The following EPPK1 variants were observed in gnomAD, a reference collection of about 807,000 sequenced individuals.
EPPK1 encodes epiplakin.
For synonymous variants in EPPK1, 1,862 were observed against 1,721.2 expected (o/e 1.08, Z -2.03); for missense variants, 3,823 against 3,673.3 (o/e 1.04, Z -1.05).
Position 143,858,041 on chromosome 8 carries a change from C to T in EPPK1, c.15213G>A (p.Arg5071=), listed in dbSNP as rs782630900. ...GCCCCGTCTCAGGGTCCAGGGTGGC[C>T]CTCTGCAGAAGCTGCAGGTACGTGA... ...ENLTYLQLLQ[R]ATLDPETGLL... is the part of the protein sequence containing the mutation. The change falls in exon 2 of 2, where the codon AGG becomes AGA. Residue 5071 remains arginine (R), a synonymous_variant. Coordinates refer to ENST00000615648, the MANE Select transcript of EPPK1 (RefSeq NM_031308.4). 1 of 1,613,190 alleles carries T rather than the reference C, an allele frequency of 6.2e-7. No individual in the cohort carries two copies. Among genetic ancestry groups the T allele is most frequent in the Non-Finnish European group, 8.5e-7 (1 of 1,179,934 alleles).
At position 143,872,852 on chromosome 8, in the gene EPPK1, A is replaced by G; in HGVS notation, c.402T>C (p.Phe134=). The change falls in exon 2 of 2, where the codon TTT becomes TTC. Residue 134 remains phenylalanine, a synonymous_variant. Transcript: ENST00000615648. Reference sequence around the variant, plus strand: ...CCACAACCTCCTTCCCGATGGCCTGAAAGAGGGCCAGCTTCTCACCGCCGT... The same window carrying G: ...CCACAACCTCCTTCCCGATGGCCTGGAAGAGGGCCAGCTTCTCACCGCCGT... ...DPYGGEKLAL[F]QAIGKEVVDR... is the part of the protein sequence containing the mutation. The G allele has an allele frequency of 5.1e-6, 8 of 1,566,970 alleles. No individual in the cohort carries two copies. The highest frequency in any genetic ancestry group is 6.9e-6 in the Non-Finnish European group (8 of 1,156,094).
In EPPK1 at chr8:143,868,053, T is replaced by C; in HGVS notation, c.5201A>G (p.His1734Arg). ...AAGCTGCAGGTACGTGAGGTTCTCG[T>C]GCGTGTTGGGGTCGAAGAAGCCCTT... ...DTKGFFDPNT[H>R]ENLTYLQLLE... The change falls in exon 2 of 2, where the codon CAC becomes CGC. Residue 1734 changes from histidine (H) to arginine (R), a missense_variant. By Grantham distance (29) the His-to-Arg change is conservative. Transcript: ENST00000615648. The C allele has an allele frequency of 1.2e-6, 2 of 1,613,654 alleles. No individual in the cohort carries two copies. The highest frequency in any genetic ancestry group is 1.6e-4 in the Middle Eastern group (1 of 6,062).
intron 1 of EPPK1, among the ~76,000 whole-genome samples, chr8:143,874,343 C>T (rs1819439729): frequency 6.6e-6 from 1 of 152,226 alleles, no homozygotes; most frequent in Non-Finnish European, 1.5e-5. Context: ...ATCTACAGTC[C>T]CTGTGAATGT....
Position 143,868,947 on chromosome 8 carries a change from G to T in EPPK1, c.4307C>A (p.Ser1436Ter). 1.2e-6 allele frequency: 2 copies of T among 1,610,830 alleles called. No individual in the cohort carries two copies. Among genetic ancestry groups the T allele is most frequent in the South Asian group, 2.2e-5 (2 of 91,076 alleles). ...GTCGTCCACCTCAAGCACTGTGTCTGAGGGCAGTGGCAACAGCAACAATCC... is the reference window on the plus strand; with the variant it reads ...GTCGTCCACCTCAAGCACTGTGTCTTAGGGCAGTGGCAACAGCAACAATCC... The part of the protein sequence containing the change: ...ETGLLLLPLP[S>*]DTVLEVDDHT... Residue 1436 changes from serine (S) to a stop codon, truncating the protein, a stop_gained, in exon 2 of 2, where the codon TCA becomes TAA. Coordinates refer to ENST00000615648, the MANE Select transcript of EPPK1 (RefSeq NM_031308.4). LOFTEE classifies it low-confidence loss of function (END_TRUNC).
chr8:143,867,200 G>A lies in EPPK1; in HGVS notation c.6054C>T (p.Asp2018=), dbSNP rs1554659381. Residue 2018 remains aspartate, a synonymous_variant, in exon 2 of 2, where the codon GAC becomes GAT. Transcript: ENST00000615648. The stretch of plus-strand genomic sequence containing the variant: ...GTGGGAGCCGGTGGTGGTGCTGTGG[G>A]TCGATGACACCCCCCGTGGCCACCT... The part of the protein sequence containing the change: ...EVQVATGGVI[D]PQHHHRLPLE... The A allele has an allele frequency of 1.9e-6, 3 of 1,612,758 alleles. No homozygotes were observed. Among genetic ancestry groups the A allele is most frequent in the Non-Finnish European group, 2.5e-6 (3 of 1,179,816 alleles).
Position 143,870,763 on chromosome 8 carries a change from C to A in EPPK1, c.2491G>T (p.Val831Phe). 3 of 1,612,630 alleles carry A rather than the reference C, an allele frequency of 1.9e-6. No homozygotes were observed. The highest frequency in any genetic ancestry group is 2.5e-6 in the Non-Finnish European group (3 of 1,179,850). Residue 831 changes from valine (V) to phenylalanine (F), a missense_variant, in exon 2 of 2, where the codon GTC becomes TTC. Transcript: ENST00000615648. This position sits in a 1 kb window ranked among gnomAD's most constrained non-coding sequence, Gnocchi z 5.2. ...VKYGRFQGQR[V>F]SAWELINSEY... is the part of the protein sequence containing the mutation. ...GAGTTGATCAGCTCCCACGCGGAGA[C>A]CCTCTGCCCCTGAAACCGTCCATAC...
At position 143,868,570 on chromosome 8, in the gene EPPK1, T is replaced by C; in HGVS notation, c.4684A>G (p.Ser1562Gly). 6.2e-7 allele frequency: 1 copy of C among 1,604,344 alleles called. No individual in the cohort carries two copies. ...CCTCCCTCCAGGGACCGCTTCACGC[T>C]GTCCATCTCCGCCACCTCCTTCACA... ...TTVKEVAEMD[S>G]VKRSLEGGNF... The change falls in exon 2 of 2, where the codon AGC (serine) becomes GGC (glycine). Residue 1562 changes from serine (S) to glycine (G), a missense_variant. Physicochemically the swap from Ser to Gly is moderately conservative, Grantham distance 56. Transcript: ENST00000615648.
chr8:143,857,920 C>CCAA lies in EPPK1; in HGVS notation c.*66_*67insTTG. 1.3e-5 allele frequency: 4 copies of CCAA among 319,408 alleles called. No homozygotes were observed. Among genetic ancestry groups the CCAA allele is most frequent in the South Asian group, 8.5e-5 (1 of 11,714 alleles). 19.8% of individuals were successfully genotyped at this position (319,408 alleles called of 1,614,324 possible). ...ACAAAAAAAAAAAAAAAAAAAAAAA[C>CCAA]AACCCAGACACACAAGTATGCCTCC... On this transcript the variant is annotated 3_prime_UTR_variant, in exon 2 of 2. Coordinates refer to ENST00000615648, the MANE Select transcript of EPPK1 (RefSeq NM_031308.4).
In EPPK1 at chr8:143,868,618, C is replaced by T. The variant is rs191532254; in HGVS notation, c.4636G>A (p.Glu1546Lys). 73 of 1,598,856 alleles carry T rather than the reference C, an allele frequency of 4.6e-5. 1 individual carries two copies. The highest frequency in any genetic ancestry group is 3.8e-4 in the South Asian group (34 of 88,802). ...AQLISRKTLD[E>K]LSQGTTTVKE... is the part of the protein sequence containing the mutation. Reference sequence around the variant, plus strand: ...ACAGTCGTTGTCCCCTGGCTCAGCTCGTCCAGCGTCTTCCTGCTGATCAGC... The same window carrying T: ...ACAGTCGTTGTCCCCTGGCTCAGCTTGTCCAGCGTCTTCCTGCTGATCAGC... The change falls in exon 2 of 2, where the codon GAG becomes AAG. Residue 1546 changes from glutamate (E) to lysine (K), a missense_variant. Physicochemically the swap from Glu to Lys is moderately conservative, Grantham distance 56. Transcript: ENST00000615648.
At position 143,873,365 on chromosome 8, in the gene EPPK1, T is replaced by C. The variant is rs918211385; in HGVS notation, c.-45-67A>G. On this transcript the variant is annotated intron_variant, in intron 1 of 1. Transcript: ENST00000615648. The stretch of plus-strand genomic sequence containing the variant: ...CTGGTGGGCACGAGGGAAGATGCGG[T>C]CATGGGGCAATCCCATGCTGTCCCG... 4 of 1,184,244 alleles carry C rather than the reference T, an allele frequency of 3.4e-6. No homozygotes were observed. The Admixed American group carries it at 1.3e-4, about 39-fold the overall frequency. 73.4% of individuals were successfully genotyped at this position (1,184,244 alleles called of 1,614,324 possible). A position where few individuals can be genotyped will look rare whatever the true frequency, so the allele number is the denominator to read the frequency against.
Position 143,878,418 on chromosome 8 carries a change from A to ACCTG in EPPK1, c.-46+19_-46+20insCAGG, listed in dbSNP as rs1819530499. ...TGCCCGCACCCGCCGCACCCGCCGCACCCGCCGCACCCGCCGCACCTGCCC... is the reference window on the plus strand; with the variant it reads ...TGCCCGCACCCGCCGCACCCGCCGCACCTGCCCGCCGCACCCGCCGCACCTGCCC... On this transcript the variant is annotated intron_variant, in intron 1 of 1. Coordinates refer to ENST00000615648, the MANE Select transcript of EPPK1 (RefSeq NM_031308.4). 4.9e-5 allele frequency: 5 copies of ACCTG among 102,116 alleles called. No homozygotes were observed. Among genetic ancestry groups the ACCTG allele is most frequent in the African/African-American group, 1.6e-4 (4 of 24,526 alleles). The allele number at this position is 102,116 out of a possible 1,614,324, so 6.3% of individuals were successfully genotyped here.
chr8:143,877,807 C>T (rs556184813), intron 1 of EPPK1, among the ~76,000 whole-genome samples: 3 of 152,082 alleles, frequency 2.0e-5, no homozygotes, highest in South Asian at 2.1e-4. Context: ...CACAGTGCAG[C>T]GGGGGCCCAG....
Position 143,867,406 on chromosome 8 carries a change from A to G in EPPK1, c.5848T>C (p.Ser1950Pro), listed in dbSNP as rs1554659463. Residue 1950 changes from serine (S) to proline (P), a missense_variant, in exon 2 of 2, where the codon TCT becomes CCT. Transcript: ENST00000615648. The stretch of plus-strand genomic sequence containing the variant: ...CCCACATCCACAGCCTCATCCACAG[A>G]GAGCTTCTGGCGGGTGCAGGGGTCC... Reference protein sequence around the residue: ...LLDPCTRQKLSVDEAVDVGLV... With the variant: ...LLDPCTRQKLPVDEAVDVGLV... 3 of 1,612,630 alleles carry G rather than the reference A, an allele frequency of 1.9e-6. No individual in the cohort carries two copies. The highest frequency in any genetic ancestry group is 1.1e-5 in the South Asian group (1 of 91,078).
At position 143,867,376 on chromosome 8, in the gene EPPK1, C is replaced by G; in HGVS notation, c.5878G>C (p.Val1960Leu). Residue 1960 changes from valine to leucine, a missense_variant, in exon 2 of 2, where the codon GTG becomes CTG. Coordinates refer to ENST00000615648, the MANE Select transcript of EPPK1 (RefSeq NM_031308.4). The stretch of plus-strand genomic sequence containing the variant: ...AGCCTCTCCCGCAGCTCCTCGTTCA[C>G]CAGGCCCACATCCACAGCCTCATCC... ...SVDEAVDVGL[V>L]NEELRERLLK... 6.2e-7 allele frequency: 1 copy of G among 1,612,930 alleles called. No individual in the cohort carries two copies. The highest frequency in any genetic ancestry group is 1.3e-5 in the African/African-American group (1 of 75,044).
In EPPK1 at chr8:143,867,096, C is replaced by G. The variant is rs782452886; in HGVS notation, c.6158G>C (p.Arg2053Pro). Residue 2053 changes from arginine to proline, a missense_variant, in exon 2 of 2, where the codon CGG (arginine) becomes CCG (proline). By Grantham distance (103) the Arg-to-Pro change is moderately radical. Transcript: ENST00000615648. ...LISDQKHMRK[R>P]FVDPNTQEKV... The stretch of plus-strand genomic sequence containing the variant: ...CTCTTGCGTGTTCGGGTCCACAAAC[C>G]GTTTCCTCATGTGCTTCTGGTCGGA... The G allele has an allele frequency of 9.3e-6, 15 of 1,612,968 alleles. No individual in the cohort carries two copies. The highest frequency in any genetic ancestry group is 1.3e-5 in the Non-Finnish European group (15 of 1,179,850).
rs1358449158 is a variant in EPPK1, at chr8:143,870,756, G to A, written c.2498C>T (p.Ala833Val). Residue 833 changes from alanine to valine, a missense_variant, in exon 2 of 2, where the codon GCG becomes GTG. By Grantham distance (64) the Ala-to-Val change is moderately conservative. Transcript: ENST00000615648. The surrounding 1 kb of genome is among the most constrained non-coding windows in gnomAD (Gnocchi z 5.2). ...YGRFQGQRVSAWELINSEYFS... is the reference protein window; with the variant it reads ...YGRFQGQRVSVWELINSEYFS... ...GTACTCAGAGTTGATCAGCTCCCAC[G>A]CGGAGACCCTCTGCCCCTGAAACCG... is the stretch of plus-strand genomic sequence containing the variant. The A allele has an allele frequency of 1.7e-5, 27 of 1,612,564 alleles. No homozygotes were observed. The Middle Eastern group carries it at 6.6e-4, about 39-fold the overall frequency.
At position 143,857,818 on chromosome 8, in the gene EPPK1, G is replaced by T; in HGVS notation, c.*169C>A. 1 of 538,544 alleles carries T rather than the reference G, an allele frequency of 1.9e-6. No individual in the cohort carries two copies. The highest frequency in any genetic ancestry group is 3.0e-6 in the Non-Finnish European group (1 of 334,630). The allele number at this position is 538,544 out of a possible 1,614,324, so 33.4% of individuals were successfully genotyped here. A position where few individuals can be genotyped will look rare whatever the true frequency, so the allele number is the denominator to read the frequency against. On this transcript the variant is annotated 3_prime_UTR_variant, in exon 2 of 2. Coordinates refer to ENST00000615648, the MANE Select transcript of EPPK1 (RefSeq NM_031308.4). ...TTATGAAACACCTCGATGGACAAAG[G>T]AAAAGTTTCTGTCACATGACAACTT...
rs1554659910 is a variant in EPPK1 at position 143,868,362 on chromosome 8, G to T, written c.4892C>A (p.Ala1631Glu). The T allele has an allele frequency of 6.2e-7, 1 of 1,612,950 alleles. No homozygotes were observed. The highest frequency in any genetic ancestry group is 1.7e-5 in the Admixed American group (1 of 60,024). ...GTAGGTTTCTTTCCCGAACATTCCT[G>T]CTTTGAACGCCTCCTCCACGGTCAG... is the stretch of plus-strand genomic sequence containing the variant. ...RKLTVEEAFK[A>E]GMFGKETYVK... Residue 1631 changes from alanine to glutamate, a missense_variant, in exon 2 of 2, where the codon GCA (alanine) becomes GAA (glutamate). Coordinates refer to ENST00000615648, the MANE Select transcript of EPPK1 (RefSeq NM_031308.4).
At position 143,871,682 on chromosome 8, in the gene EPPK1, CCTCTG is replaced by C. The variant is rs1490094828; in HGVS notation, c.1567_1571del (p.Gln523GlyfsTer20). 4.4e-6 allele frequency: 7 copies of C among 1,604,238 alleles called. No homozygotes were observed. The highest frequency in any genetic ancestry group is 5.9e-6 in the Non-Finnish European group (7 of 1,177,088). On this transcript the variant is annotated frameshift_variant, in exon 2 of 2. Coordinates refer to ENST00000615648, the MANE Select transcript of EPPK1 (RefSeq NM_031308.4). LOFTEE classifies it low-confidence loss of function (END_TRUNC). ...CCTGGTACTGCTGGGCCAGCATCGCCCTCTGCTCTGAGGAGATGGCCTCAGAGAAG... is the reference window on the plus strand; with the variant it reads ...CCTGGTACTGCTGGGCCAGCATCGCCCTCTGAGGAGATGGCCTCAGAGAAG...
Sources: gnomAD v4.1 joint callset for allele counts (sites outside exome capture counted in the v4.1 genomes callset) on GRCh38, gnomAD v4.1.1 for gene constraint, Gnocchi (gnomAD v3.1) non-coding constraint, MANE v1.5 for transcripts, NCBI Gene and HGNC (gene_info 2026-07-23, HGNC 2026-07-21) for gene names.